CDK2AP1: variants seen among roughly 807,000 people sequenced by gnomAD.
CDK2AP1 encodes cyclin-dependent kinase 2-associated protein 1.
Under a neutral mutation model 14.1 loss-of-function variants are expected in CDK2AP1, and 10 were observed. The ratio of observed to expected loss-of-function variants is 0.71; its 90% CI spans 0.44 to 1.20. CDK2AP1 has a LOEUF of 1.20. Among genes scored for constraint, CDK2AP1 ranks in the 50% most tolerant of loss-of-function variants. CDK2AP1 has a pLI of 0.00. For missense variants in CDK2AP1, 102 were observed against 149.9 expected, an observed-to-expected ratio of 0.68 and a Z score of 1.67; for synonymous variants, 59 against 59.8, an observed-to-expected ratio of 0.99 and a Z score of 0.06.
intron 1 of CDK2AP1, among the ~76,000 whole-genome samples, chr12:123,268,689 A>C (rs1319005529): frequency 6.6e-6 from 1 of 152,160 alleles, no homozygotes; most frequent in African/African-American, 2.4e-5. Context: ...GGATGATGAG[A>C]CACATGCGGA....
chr12:123,271,010 C>A, intron 1 of CDK2AP1: 4 of 978,248 alleles, frequency 4.1e-6, no homozygotes, highest in Non-Finnish European at 4.8e-6. Flanking sequence ...CCCGGCGGCC[C>A]CGCGACCTCA....
rs1387198061 is a variant in CDK2AP1, at chr12:123,271,718, T to TCCGAGCGCCCG, written c.-111_-101dup. On this transcript the variant is annotated 5_prime_UTR_variant, in exon 1 of 4. Transcript: ENST00000261692. ...CGGTAGCGCTGCAGCCCCGCGCCCG[T>TCCGAGCGCCCG]CCGAGCGCCCGCCGAGCGCCCGCGC... is the stretch of plus-strand genomic sequence containing the variant. 1.3e-5 allele frequency: 4 copies of TCCGAGCGCCCG among 306,020 alleles called. No homozygotes were observed. Among genetic ancestry groups the TCCGAGCGCCCG allele is most frequent in the Admixed American group, 6.8e-5 (1 of 14,758 alleles). 19.0% of individuals were successfully genotyped at this position (306,020 alleles called of 1,614,324 possible). A position where few individuals can be genotyped will look rare whatever the true frequency, so the allele number is the denominator to read the frequency against.
intron 1 of CDK2AP1, chr12:123,271,044 CCG>C (rs2048349251): frequency 1.7e-4 from 3 of 17,340 alleles, no homozygotes; most frequent in Non-Finnish European, 1.4e-3. Flanking sequence ...CCCGGCAGCC[CCG>C]CAGCCCCGCA....
intron 3 of CDK2AP1, chr12:123,262,470 C>G (rs1224986195): frequency 1.3e-5 from 2 of 152,258 alleles, no homozygotes; most frequent in African/African-American, 4.8e-5. Flanking sequence ...CACATCATCA[C>G]CTCACAAATC....
intron 1 of CDK2AP1, chr12:123,267,658 C>T (rs758500617): frequency 1.3e-5 from 3 of 234,494 alleles, no homozygotes; most frequent in Non-Finnish European, 2.6e-5. Context: ...CATCACACCA[C>T]AGCGCCACAT....
At position 123,270,177 on chromosome 12, in the gene CDK2AP1, C is replaced by A. The variant is rs2048341041; in HGVS notation, c.55+1387G>T. The A allele has an allele frequency of 1.0e-5, 10 of 981,358 alleles. No individual in the cohort carries two copies. The South Asian group carries it at 3.8e-4, about 37-fold the overall frequency. The allele number at this position is 981,358 out of a possible 1,614,324, so 60.8% of individuals were successfully genotyped here. A position where few individuals can be genotyped will look rare whatever the true frequency, so the allele number is the denominator to read the frequency against. ...GGAAGAAGGCTGCTGGCAGTCCTAC[C>A]TGGCAACAAAGCCCGTCTTTGTAAG... On this transcript the variant is annotated intron_variant, in intron 1 of 3. Coordinates refer to ENST00000261692, the MANE Select transcript of CDK2AP1 (RefSeq NM_004642.4).
At chr12:123,268,719 T>C (rs912201634) in intron 1 of CDK2AP1, among the ~76,000 whole-genome samples, 2 of 152,206 alleles carry the variant, frequency 1.3e-5, no homozygotes, top group African/African-American at 4.8e-5. Context: ...ACGTGCGCTA[T>C]AGGGGCGGGT....
chr12:123,271,474 G>T, intron 1 of CDK2AP1, 90 bp downstream of exon 1: 1 of 694,426 alleles, frequency 1.4e-6, no homozygotes, highest in Non-Finnish European at 1.8e-6. Flanking sequence ...CCCGGCCTCC[G>T]CGGGCGCCCC....
chr12:123,267,147 CT>C (rs1456102762), intron 2 of CDK2AP1, 37 bp downstream of exon 2: 4 of 1,164,000 alleles, frequency 3.4e-6, no homozygotes, highest in East Asian at 2.3e-5. Context: ...ATGTCTCCCC[CT>C]GGCCCTCCCA....
intron 1 of CDK2AP1, among the ~76,000 whole-genome samples, chr12:123,270,639 C>T (rs2048345735): frequency 6.6e-6 from 1 of 152,196 alleles, no homozygotes. Context: ...CCCATGGCTC[C>T]CTCGGTCCCC....
intron 3 of CDK2AP1, among the ~76,000 whole-genome samples, chr12:123,263,820 C>G (rs1410093358): frequency 6.6e-6 from 1 of 152,208 alleles, no homozygotes; most frequent in Non-Finnish European, 1.5e-5. Context: ...AGTTCCTCTC[C>G]CAGGCCGGGC....
intron 2 of CDK2AP1, among the ~76,000 whole-genome samples, chr12:123,266,393 C>A (rs1263813737): frequency 1.3e-5 from 2 of 152,286 alleles, no homozygotes; most frequent in Admixed American, 6.5e-5. Flanking sequence ...ACCTGCTTCT[C>A]CTCCTGGGGC....
chr12:123,268,796 C>G (rs2048324996), intron 1 of CDK2AP1, among the ~76,000 whole-genome samples: 1 of 152,202 alleles, frequency 6.6e-6, no homozygotes, highest in South Asian at 2.1e-4. Context: ...AGGAATTGGG[C>G]AGGGTGATGT....
Position 123,267,175 on chromosome 12 carries a change from A to C in CDK2AP1, c.153+10T>G. On this transcript the variant is annotated intron_variant, in intron 2 of 3. Coordinates refer to ENST00000261692, the MANE Select transcript of CDK2AP1 (RefSeq NM_004642.4). ...GCCCTCCCACCATGCCATCACCCCCATTGACATACCTGGGTGTAGCCTAGG... is the reference window on the plus strand; with the variant it reads ...GCCCTCCCACCATGCCATCACCCCCCTTGACATACCTGGGTGTAGCCTAGG... The C allele has an allele frequency of 6.6e-7, 1 of 1,521,562 alleles. No homozygotes were observed. Among genetic ancestry groups the C allele is most frequent in the Non-Finnish European group, 9.1e-7 (1 of 1,095,828 alleles). 94.3% of individuals were successfully genotyped at this position (1,521,562 alleles called of 1,614,324 possible).
Position 123,265,103 on chromosome 12 carries a change from C to T in CDK2AP1, c.280+93G>A. 1.9e-6 allele frequency: 3 copies of T among 1,540,956 alleles called. No homozygotes were observed. Among genetic ancestry groups the T allele is most frequent in the East Asian group, 2.3e-5 (1 of 44,172 alleles). On this transcript the variant is annotated intron_variant, in intron 3 of 3. Transcript: ENST00000261692. This position sits in a 1 kb window ranked among gnomAD's most constrained non-coding sequence, Gnocchi z 5.3. Reference sequence around the variant, plus strand: ...GGAGCTCCCATGAGTGAGCCTCATCCCTAGCCCACCTTCCCACATTTTCCC... The same window carrying T: ...GGAGCTCCCATGAGTGAGCCTCATCTCTAGCCCACCTTCCCACATTTTCCC...
At chr12:123,270,008 G>A (rs988453842) in intron 1 of CDK2AP1, among the ~76,000 whole-genome samples, 2 of 152,104 alleles carry the variant, frequency 1.3e-5, no homozygotes, top group Admixed American at 6.5e-5. Context: ...GGACTTCAGG[G>A]GTCCCCGTGA....
intron 3 of CDK2AP1, among the ~76,000 whole-genome samples, chr12:123,264,462 C>CAAAAAAAAAAAAAAAAAAAAAAAA (rs1167157405): frequency 4.3e-5 from 3 of 69,860 alleles, no homozygotes; most frequent in Admixed American, 1.9e-4. Flanking sequence ...CTCCGTCTCC[C>CAAAAAAAAAAAAAAAAAAAAAAAA]AAAAAAAAAA....
chr12:123,268,945 C>G (rs10846491), intron 1 of CDK2AP1, among the ~76,000 whole-genome samples: 97,105 of 152,078 alleles, frequency 0.64, 35,477 homozygotes, highest in East Asian at 1. Context: ...TCTCTGGCTC[C>G]AGGGCCAGTC....
intron 1 of CDK2AP1, among the ~76,000 whole-genome samples, chr12:123,268,745 C>A (rs1262760811): frequency 1.3e-5 from 2 of 152,156 alleles, no homozygotes; most frequent in Non-Finnish European, 2.9e-5. Flanking sequence ...GGGAGGGGGA[C>A]GCACAACGCC....
Sources: gnomAD v4.1 joint callset for allele counts (sites outside exome capture counted in the v4.1 genomes callset) on GRCh38, gnomAD v4.1.1 for gene constraint, Gnocchi (gnomAD v3.1) non-coding constraint, MANE v1.5 for transcripts, NCBI Gene and HGNC (gene_info 2026-07-23, HGNC 2026-07-21) for gene names.